Variants in ODAD1 observed in about 807,000 individuals in gnomAD.
ODAD1 encodes outer dynein arm docking complex subunit 1.
In ODAD1, 49 loss-of-function variants were observed where a neutral mutation model predicts 67.2. The ratio of observed to expected loss-of-function variants is 0.73; its 90% CI spans 0.58 to 0.92. ODAD1 has a LOEUF of 0.92. Among genes scored for constraint, ODAD1 ranks in the 40% least tolerant of loss-of-function variants. ODAD1 has a pLI of 0.00. For missense variants in ODAD1, 897 were observed against 953.7 expected, an observed-to-expected ratio of 0.94 and a Z score of 0.78; for synonymous variants, 345 against 393.7, an observed-to-expected ratio of 0.88 and a Z score of 1.46.
rs1277217187 is a variant in ODAD1 at position 48,296,809 on chromosome 19, G to A, written c.*167C>T. On this transcript the variant is annotated 3_prime_UTR_variant, in exon 16 of 16. Coordinates refer to ENST00000674294, the MANE Select transcript of ODAD1 (RefSeq NM_001364171.2). ...GAGAGAAAGGAACCGGGAGACACAG[G>A]TGAGGCGGTGATGAAGGGCAGATGA... 3.4e-5 allele frequency: 48 copies of A among 1,427,958 alleles called. No homozygotes were observed. The highest frequency in any genetic ancestry group is 4.2e-5 in the Non-Finnish European group (46 of 1,097,638). The allele number at this position is 1,427,958 out of a possible 1,614,324, so 88.5% of individuals were successfully genotyped here. A position where few individuals can be genotyped will look rare whatever the true frequency, so the allele number is the denominator to read the frequency against.
chr19:48,309,505 A>C (rs1968704536), intron 7 of ODAD1, among the ~76,000 whole-genome samples: 1 of 152,114 alleles, frequency 6.6e-6, no homozygotes. Flanking sequence ...CTGCCTGCAG[A>C]GGAGCTGCCC....
rs1296406880 is a variant in ODAD1, at chr19:48,297,599, C to T, written c.1572G>A (p.Val524=). The stretch of plus-strand genomic sequence containing the variant: ...CAGGCCCCACTCTCACCAGCTTCTC[C>T]ACTTGGCTCAGCAGCTCCTCCCTGC... ...PMSREELLSQ[V]EKLVELQEQA... Residue 524 remains valine (V), a synonymous_variant, in exon 15 of 16, where the codon GTG becomes GTA. Transcript: ENST00000674294. 70 of 1,546,250 alleles carry T rather than the reference C, an allele frequency of 4.5e-5. No individual in the cohort carries two copies. Among genetic ancestry groups the T allele is most frequent in the Non-Finnish European group, 5.6e-5 (64 of 1,149,168 alleles).
chr19:48,301,894 AG>A (rs1248041308), intron 12 of ODAD1, among the ~76,000 whole-genome samples: 1 of 149,964 alleles, frequency 6.7e-6, no homozygotes, highest in Non-Finnish European at 1.5e-5. Flanking sequence ...GGACAGATGA[AG>A]GGGTAGATCC....
At chr19:48,302,062 T>C (rs1193235432) in intron 12 of ODAD1, among the ~76,000 whole-genome samples, 3 of 148,848 alleles carry the variant, frequency 2.0e-5, no homozygotes, top group Non-Finnish European at 3.0e-5. Context: ...GTTGGAGGAA[T>C]AGACCCTGGA....
In ODAD1 at chr19:48,321,924, C is replaced by T; in HGVS notation, c.-310G>A. Reference sequence around the variant, plus strand: ...GCGCGACCAACGGCTTCCCGGGAAGCAGCCAAAAACGCTTGGCCGCCTACC... The same window carrying T: ...GCGCGACCAACGGCTTCCCGGGAAGTAGCCAAAAACGCTTGGCCGCCTACC... On this transcript the variant is annotated 5_prime_UTR_variant, in exon 1 of 16. Coordinates refer to ENST00000674294, the MANE Select transcript of ODAD1 (RefSeq NM_001364171.2). 1 of 397,156 alleles carries T rather than the reference C, an allele frequency of 2.5e-6. No individual in the cohort carries two copies. The highest frequency in any genetic ancestry group is 2.1e-5 in the African/African-American group (1 of 48,726). The allele number at this position is 397,156 out of a possible 1,614,324, so 24.6% of individuals were successfully genotyped here.
intron 15 of ODAD1, 27 bp from the exon 16 acceptor site, chr19:48,297,545 A>T (rs1373418163): frequency 1.3e-6 from 2 of 1,597,328 alleles, no homozygotes; most frequent in Admixed American, 3.5e-5. Flanking sequence ...CTGGGCCCCG[A>T]CACACACTGA....
In ODAD1 at chr19:48,320,759, C is replaced by T; in HGVS notation, c.-24+13G>A. The T allele has an allele frequency of 6.3e-6, 1 of 159,966 alleles. No individual in the cohort carries two copies. The highest frequency in any genetic ancestry group is 1.4e-4 in the South Asian group (1 of 7,038). The allele number at this position is 159,966 out of a possible 1,614,324, so 9.9% of individuals were successfully genotyped here. A position where few individuals can be genotyped will look rare whatever the true frequency, so the allele number is the denominator to read the frequency against. ...CGGGGGAGTCCTGGGCCCTACCTGCCGACGGGCCTGACCTGTTCTTGGTGC... is the reference window on the plus strand; with the variant it reads ...CGGGGGAGTCCTGGGCCCTACCTGCTGACGGGCCTGACCTGTTCTTGGTGC... On this transcript the variant is annotated intron_variant, in intron 2 of 15. Transcript: ENST00000674294.
intron 2 of ODAD1, 113 bp downstream of exon 2, chr19:48,320,659 G>A (rs1466055461): frequency 5.7e-6 from 1 of 174,706 alleles, no homozygotes. Flanking sequence ...GGGCTCTCAG[G>A]ATATCTGAGG....
intron 6 of ODAD1, 67 bp from the exon 7 acceptor site, chr19:48,311,733 G>A: frequency 1.0e-6 from 1 of 985,244 alleles, no homozygotes; most frequent in Non-Finnish European, 1.6e-6. Context: ...TCCAAGCTCA[G>A]CCAAGGAGGA....
Position 48,304,032 on chromosome 19 carries a change from C to T in ODAD1, c.774G>A (p.Glu258=), listed in dbSNP as rs749664448. The T allele has an allele frequency of 4.3e-6, 7 of 1,614,228 alleles. No homozygotes were observed. Among genetic ancestry groups the T allele is most frequent in the Non-Finnish European group, 5.9e-6 (7 of 1,180,028 alleles). Residue 258 remains glutamate (E), a synonymous_variant, in exon 9 of 16, where the codon GAG becomes GAA. Coordinates refer to ENST00000674294, the MANE Select transcript of ODAD1 (RefSeq NM_001364171.2). The part of the protein sequence containing the change: ...QVLQRQILHL[E]QLHHFLKLKN... ...TGAGCTTGAGGAAGTGGTGCAGCTG[C>T]TCCAGGTGCAAGATCTGCCGCTGCA...
chr19:48,303,827 C>G, intron 9 of ODAD1, 43 bp from the exon 10 acceptor site: 1 of 1,583,762 alleles, frequency 6.3e-7, no homozygotes, highest in Non-Finnish European at 8.6e-7. Context: ...TGGGTGGCCT[C>G]CAACACAGAG....
At chr19:48,309,152 C>T (rs1968695109) in intron 7 of ODAD1, among the ~76,000 whole-genome samples, 1 of 152,146 alleles carries the variant, frequency 6.6e-6, no homozygotes, top group Non-Finnish European at 1.5e-5. Flanking sequence ...TCTCTCCTCT[C>T]TCACACCCAC....
Position 48,296,638 on chromosome 19 carries a change from C to T in ODAD1, c.*338G>A, listed in dbSNP as rs988341287. 15 of 431,468 alleles carry T rather than the reference C, an allele frequency of 3.5e-5. No individual in the cohort carries two copies. The highest frequency in any genetic ancestry group is 1.4e-4 in the East Asian group (2 of 14,380). 26.7% of individuals were successfully genotyped at this position (431,468 alleles called of 1,614,324 possible). On this transcript the variant is annotated 3_prime_UTR_variant, in exon 16 of 16. Transcript: ENST00000674294. ...GGAGATGGAGATGAGGAGAGAGAGCCGGAAACAGGAGGTGGGGGATCCACA... is the reference window on the plus strand; with the variant it reads ...GGAGATGGAGATGAGGAGAGAGAGCTGGAAACAGGAGGTGGGGGATCCACA...
chr19:48,297,952 C>T lies in ODAD1; in HGVS notation c.1502+48G>A, dbSNP rs760509322. ...CTCTATCCTGTGTGTTCCCTCTGCC[C>T]CCATGGAAGCCCCGTCCCCTCTGCG... On this transcript the variant is annotated intron_variant, in intron 14 of 15. Transcript: ENST00000674294. 2.1e-6 allele frequency: 3 copies of T among 1,452,954 alleles called. No individual in the cohort carries two copies. In the African/African-American group the frequency reaches 4.2e-5, roughly 20 times the overall value. 90.0% of individuals were successfully genotyped at this position (1,452,954 alleles called of 1,614,324 possible).
intron 12 of ODAD1, among the ~76,000 whole-genome samples, chr19:48,301,539 A>T (rs1375608520): frequency 6.6e-6 from 1 of 152,242 alleles, no homozygotes; most frequent in African/African-American, 2.4e-5. Context: ...ATTTTTGGTA[A>T]CTAAGACTAA....
At chr19:48,308,320 G>A (rs559578137) in intron 7 of ODAD1, among the ~76,000 whole-genome samples, 31 of 151,920 alleles carry the variant, frequency 2.0e-4, no homozygotes, top group Admixed American at 1.2e-3. Flanking sequence ...GATTACAGGC[G>A]TGCACCACCA....
rs771273553 is a variant in ODAD1, at chr19:48,297,529, G to A, written c.1582-11C>T. 18 of 1,601,560 alleles carry A rather than the reference G, an allele frequency of 1.1e-5. No homozygotes were observed. The highest frequency in any genetic ancestry group is 1.5e-5 in the Non-Finnish European group (18 of 1,174,482). ...CTCCTGGAGCTCCACCTGCAGGGAA[G>A]GTGAACTGGGCCCCGACACACACTG... On this transcript the variant is annotated splice_polypyrimidine_tract_variant and intron_variant, in intron 15 of 15. Coordinates refer to ENST00000674294, the MANE Select transcript of ODAD1 (RefSeq NM_001364171.2).
At position 48,318,464 on chromosome 19, in the gene ODAD1, G is replaced by A. The variant is rs1319676889; in HGVS notation, c.283C>T (p.Arg95Cys). The change falls in exon 5 of 16, where the codon CGC (arginine) becomes TGC (cysteine). Residue 95 changes from arginine (R) to cysteine (C), a missense_variant. Coordinates refer to ENST00000674294, the MANE Select transcript of ODAD1 (RefSeq NM_001364171.2). ...RDSQRLENMD[R>C]LLKGRAQVQA... is the part of the protein sequence containing the mutation. Reference sequence around the variant, plus strand: ...ACCTGGGCCCGGCCCTTCAGCAGGCGGTCCATGTTCTCCAGCCGCTGACTG... The same window carrying A: ...ACCTGGGCCCGGCCCTTCAGCAGGCAGTCCATGTTCTCCAGCCGCTGACTG... 24 of 1,551,502 alleles carry A rather than the reference G, an allele frequency of 1.5e-5. No individual in the cohort carries two copies. The highest frequency in any genetic ancestry group is 1.5e-4 in the South Asian group (13 of 84,070).
intron 2 of ODAD1, 73 bp from the exon 3 acceptor site, chr19:48,320,464 G>T (rs1163463669): frequency 9.9e-6 from 8 of 808,930 alleles, no homozygotes; most frequent in Non-Finnish European, 1.2e-5. Flanking sequence ...ACAATGAACT[G>T]CGAGGGACTG....
Sources: allele counts gnomAD v4.1 joint callset (sites outside exome capture counted in the v4.1 genomes callset), GRCh38; gene constraint gnomAD v4.1.1; transcripts MANE v1.5; gene names NCBI Gene and HGNC (gene_info 2026-07-23, HGNC 2026-07-21).